SIK3: variants seen among roughly 807,000 people sequenced by gnomAD.
SIK3 encodes SIK family kinase 3.
A neutral mutation model predicts 144.2 loss-of-function variants in SIK3; 28 were observed. The observed-to-expected ratio is 0.19, with a 90% CI of 0.14 to 0.27. The LOEUF (loss-of-function observed/expected upper bound fraction) is 0.27, where lower values mean the gene tolerates loss of function less well. SIK3 is among the 10% of genes least tolerant of loss of function. The pLI is 1.00. For missense variants in SIK3, 1,319 were observed against 1,776.0 expected (o/e 0.74, Z 4.62); for synonymous variants, 686 against 676.3 (o/e 1.01, Z -0.22).
At position 116,866,720 on chromosome 11, in the gene SIK3, G is replaced by GT. The variant is rs1415206188; in HGVS notation, c.1952+1225dup. Among the ~76,000 whole-genome samples, 7 of 152,284 alleles carry GT rather than the reference G, an allele frequency of 4.6e-5. No homozygotes were observed. The South Asian group carries it at 1.5e-3, about 32-fold the overall frequency. On this transcript the variant is annotated intron_variant, in intron 15 of 24. Coordinates refer to ENST00000445177, the MANE Select transcript of SIK3 (RefSeq NM_001366686.3). ...CTCCCAAAGTGCTGGGATTGCAGGCGTGAACCACCGTGCCTGGCCTCAAAG... is the reference window on the plus strand; with the variant it reads ...CTCCCAAAGTGCTGGGATTGCAGGCGTTGAACCACCGTGCCTGGCCTCAAAG...
intron 1 of SIK3, among the ~76,000 whole-genome samples, chr11:117,051,335 C>T (rs1953230900): frequency 6.6e-6 from 1 of 152,134 alleles, no homozygotes; most frequent in South Asian, 2.1e-4. Context: ...ACCAGCTTTC[C>T]TGGTTCTCCA....
At chr11:116,984,005 C>G in intron 1 of SIK3, among the ~76,000 whole-genome samples, 1 of 136,518 alleles carries the variant, frequency 7.3e-6, no homozygotes, top group South Asian at 2.4e-4. Context: ...GAGTCATGAT[C>G]ATGCCACTGC....
chr11:117,027,740 T>C (rs1952078838), intron 1 of SIK3, among the ~76,000 whole-genome samples: 1 of 152,082 alleles, frequency 6.6e-6, no homozygotes, highest in South Asian at 2.1e-4. Flanking sequence ...GTGCTGGGAT[T>C]ACAGACGTGA....
chr11:117,043,005 G>A (rs533821263), intron 1 of SIK3, among the ~76,000 whole-genome samples: 9 of 152,260 alleles, frequency 5.9e-5, no homozygotes, highest in Non-Finnish European at 8.8e-5. Context: ...AGCAAGCTGC[G>A]TTTATATACC....
chr11:117,010,694 T>A (rs1351204199), intron 1 of SIK3, among the ~76,000 whole-genome samples: 1 of 151,758 alleles, frequency 6.6e-6, no homozygotes, highest in African/African-American at 2.4e-5. Context: ...ATAACCCCAC[T>A]TCATTAAAAT....
intron 1 of SIK3, among the ~76,000 whole-genome samples, chr11:117,016,394 G>GGGAAGGAA (rs771165423): frequency 0.12 from 7,118 of 59,136 alleles, 775 homozygotes; most frequent in Non-Finnish European, 0.15. Context: ...GAGGGAGGGA[G>GGGAAGGAA]GGAAGGAAGG....
At chr11:116,885,934 T>A (rs1028448321) in intron 6 of SIK3, among the ~76,000 whole-genome samples, 2 of 152,200 alleles carry the variant, frequency 1.3e-5, no homozygotes, top group Non-Finnish European at 2.9e-5. Context: ...GAACATTAAA[T>A]AAGGTAATGC....
At chr11:116,868,492 C>T (rs953787555) in intron 14 of SIK3, among the ~76,000 whole-genome samples, 7 of 152,176 alleles carry the variant, frequency 4.6e-5, no homozygotes, top group African/African-American at 1.7e-4. Context: ...AGAGATGAAC[C>T]TGGGGAGATA....
At chr11:116,903,672 C>A (rs57526168) in intron 4 of SIK3, among the ~76,000 whole-genome samples, 1,993 of 152,280 alleles carry the variant, frequency 0.013, 54 homozygotes, top group African/African-American at 0.045. Flanking sequence ...GCCTTTACCT[C>A]CTGGGCTCAA....
chr11:116,948,439 G>A (rs117459099), intron 3 of SIK3, among the ~76,000 whole-genome samples: 1 of 151,934 alleles, frequency 6.6e-6, no homozygotes, highest in Non-Finnish European at 1.5e-5. Context: ...TACCACATCC[G>A]GCTAATTTTT....
intron 1 of SIK3, among the ~76,000 whole-genome samples, chr11:116,961,138 G>A (rs1309895747): frequency 1.3e-5 from 2 of 152,188 alleles, no homozygotes; most frequent in Non-Finnish European, 2.9e-5. Flanking sequence ...GACCCTGAGG[G>A]CTGTGGCAGA....
chr11:116,921,770 T>C (rs1459347365), intron 4 of SIK3, among the ~76,000 whole-genome samples: 1 of 152,202 alleles, frequency 6.6e-6, no homozygotes, highest in Non-Finnish European at 1.5e-5. Context: ...GCTACTGCCA[T>C]TAAGAACACG....
chr11:117,046,938 C>T (rs1952992486), intron 1 of SIK3, among the ~76,000 whole-genome samples: 1 of 152,092 alleles, frequency 6.6e-6, no homozygotes. Context: ...AAAATCTAAA[C>T]ACCTGGGCAA....
chr11:117,087,845 C>CG (rs1296523565), intron 1 of SIK3, among the ~76,000 whole-genome samples: 2 of 152,082 alleles, frequency 1.3e-5, no homozygotes, highest in East Asian at 3.8e-4. Flanking sequence ...TTGTGCACAA[C>CG]AATGGTTATC....
At position 117,026,609 on chromosome 11, in the gene SIK3, A is replaced by C. The variant is rs954979055; in HGVS notation, c.274-69545T>G. ...GATTTTTAACAATTAAAAATGTCCCAAAGCAAAACATGGTTGAACCTCCAG... is the reference window on the plus strand; with the variant it reads ...GATTTTTAACAATTAAAAATGTCCCCAAGCAAAACATGGTTGAACCTCCAG... On this transcript the variant is annotated intron_variant, in intron 1 of 24. Coordinates refer to ENST00000445177, the MANE Select transcript of SIK3 (RefSeq NM_001366686.3). Among the ~76,000 whole-genome samples the C allele has an allele frequency of 2.6e-5, 4 of 152,242 alleles. No individual in the cohort carries two copies. The East Asian group carries it at 7.7e-4, about 29-fold the overall frequency.
At chr11:116,998,123 C>A (rs1229556882) in intron 1 of SIK3, among the ~76,000 whole-genome samples, 1 of 149,262 alleles carries the variant, frequency 6.7e-6, no homozygotes, top group African/African-American at 2.5e-5. Context: ...AAGAAAACAA[C>A]AGTTTATGTT....
intron 4 of SIK3, among the ~76,000 whole-genome samples, chr11:116,919,923 A>C (rs972513056): frequency 1.3e-4 from 20 of 152,118 alleles, no homozygotes; most frequent in Non-Finnish European, 2.8e-4. Context: ...GTTTACTGCC[A>C]CCATCACCCT....
At chr11:116,968,055 C>CATGTG (rs1949624373) in intron 1 of SIK3, among the ~76,000 whole-genome samples, 2 of 152,208 alleles carry the variant, frequency 1.3e-5, no homozygotes, top group Non-Finnish European at 2.9e-5. Flanking sequence ...GTTTGCATTT[C>CATGTG]ATGTGATGAA....
Position 116,896,534 on chromosome 11 carries a change from A to G in SIK3, c.742-158T>C, listed in dbSNP as rs1945409893. The stretch of plus-strand genomic sequence containing the variant: ...ACAGTTAACAATCTTCTTTGCTTCT[A>G]GGCATTAATTTAGGGTAACATCCTG... On this transcript the variant is annotated intron_variant, in intron 5 of 24. Coordinates refer to ENST00000445177, the MANE Select transcript of SIK3 (RefSeq NM_001366686.3). Among the ~76,000 whole-genome samples the G allele has an allele frequency of 3.9e-5, 6 of 152,246 alleles. 1 individual carries two copies. In the South Asian group the frequency reaches 1.2e-3, roughly 31 times the overall value.
Sources: gnomAD v4.1 joint callset for allele counts (sites outside exome capture counted in the v4.1 genomes callset) on GRCh38, gnomAD v4.1.1 for gene constraint, MANE v1.5 for transcripts, NCBI Gene and HGNC (gene_info 2026-07-23, HGNC 2026-07-21) for gene names.